Variants in SMAD3 observed in about 807,000 individuals in gnomAD.
SMAD3 encodes MAD homolog 3.
In SMAD3, 12 loss-of-function variants were observed where a neutral mutation model predicts 51.8. That is an observed-to-expected ratio of 0.23 (90% CI 0.15 to 0.38). The LOEUF is 0.38. Among genes scored for constraint, SMAD3 ranks in the 10% least tolerant of loss-of-function variants. The pLI is 1.00. For missense variants in SMAD3, 294 were observed against 565.6 expected, an observed-to-expected ratio of 0.52 and a Z score of 4.87; for synonymous variants, 238 against 227.7, an observed-to-expected ratio of 1.05 and a Z score of -0.41.
chr15:67,086,957 G>A (rs1423851541), intron 1 of SMAD3, among the ~76,000 whole-genome samples: 11 of 150,788 alleles, frequency 7.3e-5, no homozygotes, highest in African/African-American at 2.4e-4. Flanking sequence ...GTGCAGTGGT[G>A]CGATCTCAGC....
chr15:67,121,351 G>C (rs1438585238), intron 1 of SMAD3, among the ~76,000 whole-genome samples: 1 of 152,202 alleles, frequency 6.6e-6, no homozygotes, highest in Admixed American at 6.5e-5. Context: ...CCGGCCTTGT[G>C]GGTCCTGAGG....
At chr15:67,114,507 G>A (rs1961093389) in intron 1 of SMAD3, among the ~76,000 whole-genome samples, 1 of 152,170 alleles carries the variant, frequency 6.6e-6, no homozygotes, top group South Asian at 2.1e-4. Context: ...TTTTTCAGTA[G>A]CATCCTTTCT....
intron 1 of SMAD3, among the ~76,000 whole-genome samples, chr15:67,135,197 G>T (rs956009600): frequency 6.6e-6 from 1 of 152,180 alleles, no homozygotes; most frequent in Admixed American, 6.5e-5. Flanking sequence ...CACTGAGAGG[G>T]GCAAAACGTG....
At chr15:67,087,723 T>G (rs544319726) in intron 1 of SMAD3, among the ~76,000 whole-genome samples, 6 of 151,178 alleles carry the variant, frequency 4.0e-5, no homozygotes, top group Admixed American at 6.6e-5. Flanking sequence ...TAGAGCAAAG[T>G]ATGCATTTCT....
chr15:67,081,711 G>A (rs1480508726), intron 1 of SMAD3, among the ~76,000 whole-genome samples: 1 of 152,080 alleles, frequency 6.6e-6, no homozygotes, highest in Non-Finnish European at 1.5e-5. Flanking sequence ...TATAAACGTT[G>A]CATCCAAGGG....
rs78217175 is a variant in SMAD3 at position 67,117,465 on chromosome 15, C to G, written c.207-47430C>G. On this transcript the variant is annotated intron_variant, in intron 1 of 8. Transcript: ENST00000327367. Reference sequence around the variant, plus strand: ...AAACCTGTGCCCCAAAGCAGGTCCCCCCAAGTTCCAGCCCAGTGCCACCCC... The same window carrying G: ...AAACCTGTGCCCCAAAGCAGGTCCCGCCAAGTTCCAGCCCAGTGCCACCCC... 2.2e-4 allele frequency among the ~76,000 whole-genome samples: 33 copies of G among 152,196 alleles called. No individual in the cohort carries two copies. The South Asian group carries it at 6.4e-3, about 30-fold the overall frequency.
intron 1 of SMAD3, among the ~76,000 whole-genome samples, chr15:67,119,374 C>T (rs1404842131): frequency 6.6e-6 from 1 of 152,118 alleles, no homozygotes; most frequent in Non-Finnish European, 1.5e-5. Flanking sequence ...TGCAGGGAGG[C>T]CCATAGTCAA....
chr15:67,153,348 C>T (rs1233822884), intron 1 of SMAD3, among the ~76,000 whole-genome samples: 1 of 152,126 alleles, frequency 6.6e-6, no homozygotes, highest in Non-Finnish European at 1.5e-5. Flanking sequence ...AAAAATTAGC[C>T]AGGCGTGGTG....
chr15:67,077,627 T>C (rs1003915906), intron 1 of SMAD3, among the ~76,000 whole-genome samples: 1 of 152,154 alleles, frequency 6.6e-6, no homozygotes, highest in African/African-American at 2.4e-5. Context: ...AACAAAATAT[T>C]TGGGAGCCTA....
At chr15:67,188,112 T>G (rs985191455) in intron 8 of SMAD3, among the ~76,000 whole-genome samples, 1 of 151,882 alleles carries the variant, frequency 6.6e-6, no homozygotes, top group East Asian at 1.9e-4. Context: ...GAAATGACTT[T>G]TTTAGAGTCC....
rs149022137 is a variant in SMAD3 at position 67,066,163 on chromosome 15, C to T, written c.9C>T (p.Ser3=). The change falls in exon 1 of 9, where the codon TCC becomes TCT. Residue 3 remains serine, a synonymous_variant. Transcript: ENST00000327367. ...GCGCGCCCTCCCCAGCCATGTCGTC[C>T]ATCCTGCCTTTCACTCCCCCGATCG... is the stretch of plus-strand genomic sequence containing the variant. MS[S]ILPFTPPIVK... is the part of the protein sequence containing the mutation. 1.9e-5 allele frequency: 30 copies of T among 1,598,960 alleles called. No homozygotes were observed. The African/African-American group carries it at 3.6e-4, about 19-fold the overall frequency.
intron 1 of SMAD3, among the ~76,000 whole-genome samples, chr15:67,111,841 G>A (rs754109176): frequency 2.5e-4 from 38 of 152,194 alleles, no homozygotes; most frequent in Non-Finnish European, 4.7e-4. Context: ...AGGCTGGAGT[G>A]CAATGGTGCC....
At chr15:67,157,133 A>G (rs1962303636) in intron 1 of SMAD3, among the ~76,000 whole-genome samples, 1 of 152,242 alleles carries the variant, frequency 6.6e-6, no homozygotes, top group African/African-American at 2.4e-5. Flanking sequence ...GCAAGTTGAA[A>G]AAGAAAGTTT....
intron 1 of SMAD3, among the ~76,000 whole-genome samples, chr15:67,157,395 TCC>T (rs1347864967): frequency 6.6e-6 from 1 of 152,216 alleles, no homozygotes; most frequent in Non-Finnish European, 1.5e-5. Context: ...TGCCCCTATC[TCC>T]CATGTATCAG....
chr15:67,173,980 T>C (rs1180185209), intron 5 of SMAD3, among the ~76,000 whole-genome samples: 2 of 152,208 alleles, frequency 1.3e-5, no homozygotes, highest in Non-Finnish European at 2.9e-5. Context: ...TGCTTAACTA[T>C]GTCCAGGAAG....
At chr15:67,075,874 C>CG (rs1050628998) in intron 1 of SMAD3, among the ~76,000 whole-genome samples, 1 of 149,938 alleles carries the variant, frequency 6.7e-6, no homozygotes, top group African/African-American at 2.5e-5. Context: ...AAGATCGCAC[C>CG]ATTGTACTCC....
intron 7 of SMAD3, 175 bp from the exon 8 acceptor site, chr15:67,187,189 CT>C: frequency 1.3e-6 from 1 of 778,586 alleles, no homozygotes; most frequent in Non-Finnish European, 2.2e-6. Flanking sequence ...CTGGGTTGGC[CT>C]TCCCTTTGCA....
chr15:67,155,112 G>T lies in SMAD3; in HGVS notation c.207-9783G>T, dbSNP rs1341025589. Among the ~76,000 whole-genome samples the T allele has an allele frequency of 2.6e-5, 4 of 152,306 alleles. No homozygotes were observed. The East Asian group carries it at 7.7e-4, about 29-fold the overall frequency. Reference sequence around the variant, plus strand: ...CCAAAATGAAGGGATTGGACCAGATGCCCTCAAGGTTCCTCAAGGGTCAGC... The same window carrying T: ...CCAAAATGAAGGGATTGGACCAGATTCCCTCAAGGTTCCTCAAGGGTCAGC... On this transcript the variant is annotated intron_variant, in intron 1 of 8. Transcript: ENST00000327367.
At chr15:67,128,671 A>G (rs1404946924) in intron 1 of SMAD3, among the ~76,000 whole-genome samples, 1 of 152,094 alleles carries the variant, frequency 6.6e-6, no homozygotes, top group Non-Finnish European at 1.5e-5. Flanking sequence ...CTCTGGGCTC[A>G]AGAGATCGTC....
Sources: gnomAD v4.1 joint callset for allele counts (sites outside exome capture counted in the v4.1 genomes callset) on GRCh38, gnomAD v4.1.1 for gene constraint, MANE v1.5 for transcripts, NCBI Gene and HGNC (gene_info 2026-07-23, HGNC 2026-07-21) for gene names.